The following ATP11A variants were observed in gnomAD, a reference collection of about 807,000 sequenced individuals.
ATP11A encodes phospholipid-transporting ATPase IH.
A neutral mutation model predicts 154.4 loss-of-function variants in ATP11A; 81 were observed. The observed-to-expected ratio is 0.52, with a 90% CI of 0.44 to 0.63. ATP11A has a LOEUF of 0.63. ATP11A is among the 30% of genes least tolerant of loss of function. The pLI is 0.00. For synonymous variants in ATP11A, 623 were observed against 585.9 expected (o/e 1.06, Z -0.91); for missense variants, 1,316 against 1,474.3 (o/e 0.89, Z 1.76).
intron 17 of ATP11A, among the ~76,000 whole-genome samples, chr13:112,847,956 AG>A (rs2079653494): frequency 6.6e-6 from 1 of 152,210 alleles, no homozygotes; most frequent in Non-Finnish European, 1.5e-5. Context: ...CCAGGGGTGG[AG>A]GCACACATCT....
intron 1 of ATP11A, among the ~76,000 whole-genome samples, chr13:112,756,990 C>T (rs1354132529): frequency 1.3e-5 from 2 of 151,738 alleles, no homozygotes; most frequent in Non-Finnish European, 1.5e-5. Flanking sequence ...ACAAAATGAT[C>T]ATATTTGAAG....
At chr13:112,829,521 C>G (rs183942767) in intron 12 of ATP11A, among the ~76,000 whole-genome samples, 1 of 152,298 alleles carries the variant, frequency 6.6e-6, no homozygotes, top group East Asian at 1.9e-4. Context: ...CCTTTCATAA[C>G]ATCTCTCAAC....
chr13:112,739,261 C>T (rs866162422), intron 1 of ATP11A, among the ~76,000 whole-genome samples: 1 of 152,180 alleles, frequency 6.6e-6, no homozygotes, highest in Non-Finnish European at 1.5e-5. Flanking sequence ...ACAAAGAACT[C>T]TGTCAACTCA....
In ATP11A at chr13:112,754,942, G is replaced by A. The variant is rs1226438521; in HGVS notation, c.40-30193G>A. Among the ~76,000 whole-genome samples the A allele has an allele frequency of 1.3e-5, 2 of 152,198 alleles. No homozygotes were observed. Among genetic ancestry groups the A allele is most frequent in the African/African-American group, 4.8e-5 (2 of 41,454 alleles). On this transcript the variant is annotated intron_variant, in intron 1 of 29. Coordinates refer to ENST00000375645, the MANE Select transcript of ATP11A (RefSeq NM_015205.3). The surrounding 1 kb of genome is among the most constrained non-coding windows in gnomAD (Gnocchi z 5.3). ...CCTCCCGAGCGCGTGTGCCTGACCT[G>A]CTCCGCGGTGGGCGCAGAGCTCCTG...
chr13:112,798,509 G>C (rs975199121), intron 2 of ATP11A, among the ~76,000 whole-genome samples: 4 of 152,186 alleles, frequency 2.6e-5, no homozygotes, highest in African/African-American at 9.7e-5. Context: ...ATTGCTCAGG[G>C]GTGAATGAAA....
intron 1 of ATP11A, among the ~76,000 whole-genome samples, chr13:112,737,404 A>G (rs1891107129): frequency 6.6e-6 from 1 of 152,272 alleles, no homozygotes; most frequent in Non-Finnish European, 1.5e-5. Flanking sequence ...AATGTTCGTT[A>G]AAACAGATCA....
At chr13:112,699,664 C>T (rs1594323571) in intron 1 of ATP11A, among the ~76,000 whole-genome samples, 2 of 152,342 alleles carry the variant, frequency 1.3e-5, no homozygotes, top group East Asian at 3.9e-4. Flanking sequence ...GGAAGGAGCA[C>T]ATTTCACAGA....
chr13:112,778,709 C>T (rs552037692), intron 1 of ATP11A, among the ~76,000 whole-genome samples: 1,954 of 133,294 alleles, frequency 0.015, 86 homozygotes, highest in African/African-American at 0.058. Flanking sequence ...GAGGAGTAGC[C>T]GCTGGAGTGA....
intron 28 of ATP11A, chr13:112,876,180 G>GA (rs909094435): frequency 8.1e-6 from 3 of 372,010 alleles, no homozygotes; most frequent in African/African-American, 6.2e-5. Context: ...ACAAATAAGA[G>GA]AAAAAAGACT....
At chr13:112,738,616 G>A (rs1054124209) in intron 1 of ATP11A, among the ~76,000 whole-genome samples, 2 of 152,196 alleles carry the variant, frequency 1.3e-5, no homozygotes, top group Non-Finnish European at 2.9e-5. Flanking sequence ...AGGTGGATCT[G>A]CCAAGCAGGA....
chr13:112,721,099 A>G (rs1221991793), intron 1 of ATP11A, among the ~76,000 whole-genome samples: 1 of 152,142 alleles, frequency 6.6e-6, no homozygotes, highest in African/African-American at 2.4e-5. Flanking sequence ...GAAAGGGTGT[A>G]TGTAAGGCCA....
chr13:112,777,919 G>A (rs976537622), intron 1 of ATP11A, among the ~76,000 whole-genome samples: 6 of 152,212 alleles, frequency 3.9e-5, no homozygotes, highest in Non-Finnish European at 8.8e-5. Flanking sequence ...AATTCCTCTC[G>A]GAGGTGCTCT....
intron 22 of ATP11A, 147 bp downstream of exon 22, chr13:112,858,437 G>T: frequency 2.4e-6 from 2 of 823,996 alleles, no homozygotes; most frequent in Non-Finnish European, 3.6e-6. Context: ...GAATCTGATT[G>T]CAGTCATCTC....
At chr13:112,814,011 C>T (rs1029088447) in intron 5 of ATP11A, among the ~76,000 whole-genome samples, 2 of 151,640 alleles carry the variant, frequency 1.3e-5, no homozygotes, top group African/African-American at 4.8e-5. Context: ...ACAAAGCAAA[C>T]GTTTTTAATT....
At chr13:112,768,735 G>A (rs1199475167) in intron 1 of ATP11A, among the ~76,000 whole-genome samples, 1 of 152,196 alleles carries the variant, frequency 6.6e-6, no homozygotes, top group Non-Finnish European at 1.5e-5. Flanking sequence ...CAGTCGTGGG[G>A]AATAAACGCA....
chr13:112,707,096 C>T (rs1466542564), intron 1 of ATP11A, among the ~76,000 whole-genome samples: 11 of 152,156 alleles, frequency 7.2e-5, no homozygotes, highest in African/African-American at 1.2e-4. Flanking sequence ...AACCACTAAA[C>T]GAGCATACAG....
intron 1 of ATP11A, among the ~76,000 whole-genome samples, chr13:112,713,467 G>A (rs779512992): frequency 8.5e-5 from 13 of 152,208 alleles, no homozygotes; most frequent in Non-Finnish European, 1.6e-4. Flanking sequence ...ACTTCAAAGT[G>A]TAATGGTTCT....
chr13:112,733,227 TGGG>T (rs139944918), intron 1 of ATP11A, among the ~76,000 whole-genome samples: 2,353 of 152,276 alleles, frequency 0.015, 27 homozygotes, highest in Non-Finnish European at 0.024. Flanking sequence ...GAATATGGCT[TGGG>T]GGCACACGGC....
chr13:112,833,603 G>A (rs560243366), intron 14 of ATP11A, among the ~76,000 whole-genome samples: 333 of 152,280 alleles, frequency 2.2e-3, no homozygotes, highest in Non-Finnish European at 3.8e-3. Context: ...TGCCTTCAGG[G>A]ACTGAGTATG....
Sources: allele counts gnomAD v4.1 joint callset (sites outside exome capture counted in the v4.1 genomes callset), GRCh38; gene constraint gnomAD v4.1.1; non-coding constraint Gnocchi (gnomAD v3.1); transcripts MANE v1.5; gene names NCBI Gene and HGNC (gene_info 2026-07-23, HGNC 2026-07-21).